Variants in TM4SF4 observed in about 807,000 individuals in gnomAD.
The protein encoded by TM4SF4 is transmembrane 4 L6 family member 4.
Under a neutral mutation model 24.1 loss-of-function variants are expected in TM4SF4, and 24 were observed. The ratio of observed to expected loss-of-function variants is 1.00; its 90% CI spans 0.72 to 1.40. TM4SF4 has a LOEUF of 1.40. Ranked by LOEUF, TM4SF4 falls within the 40% of genes most tolerant of loss-of-function variation. The pLI, the probability that TM4SF4 is intolerant of heterozygous loss-of-function variation, is 0.00. For missense variants in TM4SF4, 254 were observed against 254.2 expected, an observed-to-expected ratio of 1.00 and a Z score of 0.01; for synonymous variants, 113 against 97.0, an observed-to-expected ratio of 1.17 and a Z score of -0.97.
chr3:149,493,733 A>G (rs1319055921), intron 3 of TM4SF4, among the ~76,000 whole-genome samples: 2 of 152,224 alleles, frequency 1.3e-5, no homozygotes, highest in African/African-American at 4.8e-5. Flanking sequence ...GAGGACAAAC[A>G]AATGGACAGG....
Position 149,474,718 on chromosome 3 carries a change from C to T in TM4SF4, c.-160C>T. On this transcript the variant is annotated 5_prime_UTR_variant, in exon 1 of 5. Coordinates refer to ENST00000305354, the MANE Select transcript of TM4SF4 (RefSeq NM_004617.4). The stretch of plus-strand genomic sequence containing the variant: ...TGCTATTTTTGAGAAGCTGAAGCAA[C>T]TCCAAGGACACAGTTCACAGAAATT... The T allele has an allele frequency of 1.1e-5, 7 of 655,146 alleles. No individual in the cohort carries two copies. The highest frequency in any genetic ancestry group is 1.7e-5 in the Non-Finnish European group (7 of 402,640). The allele number at this position is 655,146 out of a possible 1,614,324, so 40.6% of individuals were successfully genotyped here.
chr3:149,496,695 G>C (rs1199231133), intron 3 of TM4SF4, among the ~76,000 whole-genome samples: 1 of 149,542 alleles, frequency 6.7e-6, no homozygotes, highest in Non-Finnish European at 1.5e-5. Flanking sequence ...TTGAACCCGG[G>C]AGGCACAGGT....
In TM4SF4 at chr3:149,490,097, G is replaced by A. The variant is rs573386075; in HGVS notation, c.401+2342G>A. ...TACTTATGTTTTAATTTAATCCCTT[G>A]TAAGATGTAAGACTGCTCTTTGTGC... On this transcript the variant is annotated intron_variant, in intron 3 of 4. Coordinates refer to ENST00000305354, the MANE Select transcript of TM4SF4 (RefSeq NM_004617.4). Among the ~76,000 whole-genome samples the A allele has an allele frequency of 7.9e-5, 12 of 152,290 alleles. No homozygotes were observed. In the East Asian group the frequency reaches 2.3e-3, roughly 29 times the overall value.
chr3:149,480,241 G>A (rs1406217463), intron 2 of TM4SF4, among the ~76,000 whole-genome samples: 1 of 152,130 alleles, frequency 6.6e-6, no homozygotes, highest in Non-Finnish European at 1.5e-5. Flanking sequence ...AGCATCTCTT[G>A]CCCTCTAATC....
rs1560035062 is a variant in TM4SF4, at chr3:149,502,800, A to G, written c.*107A>G. 2 of 837,742 alleles carry G rather than the reference A, an allele frequency of 2.4e-6. No homozygotes were observed. Among genetic ancestry groups the G allele is most frequent in the Non-Finnish European group, 3.9e-6 (2 of 507,186 alleles). The allele number at this position is 837,742 out of a possible 1,614,324, so 51.9% of individuals were successfully genotyped here. A position where few individuals can be genotyped will look rare whatever the true frequency, so the allele number is the denominator to read the frequency against. Reference sequence around the variant, plus strand: ...TTAATTCCTATCTGCTTCCTAGCTGATAAAGCTTAGAAAAGGCAGTTATTC... The same window carrying G: ...TTAATTCCTATCTGCTTCCTAGCTGGTAAAGCTTAGAAAAGGCAGTTATTC... On this transcript the variant is annotated 3_prime_UTR_variant, in exon 5 of 5. Transcript: ENST00000305354.
intron 2 of TM4SF4, among the ~76,000 whole-genome samples, chr3:149,479,915 G>A (rs1441741661): frequency 6.6e-6 from 1 of 152,184 alleles, no homozygotes; most frequent in Non-Finnish European, 1.5e-5. Context: ...AAACCAAGTA[G>A]GAGATAGGAG....
chr3:149,499,192 C>T (rs1734371196), intron 4 of TM4SF4, among the ~76,000 whole-genome samples: 1 of 152,138 alleles, frequency 6.6e-6, no homozygotes, highest in Non-Finnish European at 1.5e-5. Context: ...GTTCTAGAGA[C>T]AAAGGACTCT....
chr3:149,478,619 C>T (rs537276722), intron 2 of TM4SF4, among the ~76,000 whole-genome samples: 1 of 152,300 alleles, frequency 6.6e-6, no homozygotes, highest in East Asian at 1.9e-4. Flanking sequence ...ACTGACCATC[C>T]AAATCATGAG....
intron 4 of TM4SF4, among the ~76,000 whole-genome samples, chr3:149,499,122 T>C (rs66806920): frequency 0.086 from 13,036 of 152,210 alleles, 1,102 homozygotes; most frequent in East Asian, 0.43. Flanking sequence ...ACCCAGAGCA[T>C]GTTAAAACAC....
intron 2 of TM4SF4, among the ~76,000 whole-genome samples, chr3:149,483,675 C>T (rs1045338482): frequency 1.5e-4 from 23 of 152,160 alleles, no homozygotes; most frequent in African/African-American, 5.3e-4. Flanking sequence ...CCTTAGCCAA[C>T]AATAATATAT....
At chr3:149,487,557 T>C in intron 2 of TM4SF4, 62 bp from the exon 3 acceptor site, 1 of 1,599,532 alleles carries the variant, frequency 6.3e-7, no homozygotes, top group Non-Finnish European at 8.5e-7. Flanking sequence ...GTGGATTAGG[T>C]TTGTTGAGTG....
At chr3:149,487,535 G>A in intron 2 of TM4SF4, 84 bp from the exon 3 acceptor site, 1 of 1,537,444 alleles carries the variant, frequency 6.5e-7, no homozygotes, top group Non-Finnish European at 8.9e-7. Flanking sequence ...TAGTCACCAT[G>A]TTCAACAGCA....
Position 149,498,900 on chromosome 3 carries a change from G to C in TM4SF4, c.580G>C (p.Gly194Arg), listed in dbSNP as rs1446300595. The change falls in exon 4 of 5, where the codon GGC becomes CGC. Residue 194 changes from glycine (G) to arginine (R), a missense_variant. Coordinates refer to ENST00000305354, the MANE Select transcript of TM4SF4 (RefSeq NM_004617.4). ...CCTCTGTGGGGACTGCCAGTGTTGT[G>C]GCTGCTGTGGGGTAAGTTCAGGCTT... ...GTLCGDCQCC[G>R]CCGGDGPV The C allele has an allele frequency of 9.3e-6, 15 of 1,613,730 alleles. No individual in the cohort carries two copies. Among genetic ancestry groups the C allele is most frequent in the Non-Finnish European group, 1.3e-5 (15 of 1,179,806 alleles).
intron 2 of TM4SF4, among the ~76,000 whole-genome samples, chr3:149,482,750 G>T (rs1205662091): frequency 2.0e-5 from 3 of 152,010 alleles, no homozygotes; most frequent in Non-Finnish European, 4.4e-5. Flanking sequence ...CACCATTTTG[G>T]CCAGGCTGGT....
At chr3:149,490,643 C>T (rs749125025) in intron 3 of TM4SF4, among the ~76,000 whole-genome samples, 14 of 152,212 alleles carry the variant, frequency 9.2e-5, no homozygotes, top group Non-Finnish European at 1.5e-4. Context: ...TGGCAAAACT[C>T]ATGGGATTCT....
At chr3:149,479,169 T>C (rs536338865) in intron 2 of TM4SF4, among the ~76,000 whole-genome samples, 1 of 152,148 alleles carries the variant, frequency 6.6e-6, no homozygotes, top group African/African-American at 2.4e-5. Context: ...TAGCCTGCAT[T>C]TTGGCACAAC....
intron 2 of TM4SF4, among the ~76,000 whole-genome samples, chr3:149,479,646 G>A (rs1214142601): frequency 6.6e-6 from 1 of 152,202 alleles, no homozygotes; most frequent in Non-Finnish European, 1.5e-5. Context: ...CCAGGCCCCA[G>A]CTCCTTCGGG....
intron 2 of TM4SF4, among the ~76,000 whole-genome samples, chr3:149,486,275 T>C (rs1449148383): frequency 6.6e-6 from 1 of 152,198 alleles, no homozygotes; most frequent in African/African-American, 2.4e-5. Context: ...AGGTGGGCTC[T>C]ATCATGCCCA....
Position 149,498,902 on chromosome 3 carries a change from C to T in TM4SF4, c.582C>T (p.Gly194=), listed in dbSNP as rs1262376384. The change falls in exon 4 of 5, where the codon GGC becomes GGT. Residue 194 remains glycine (G), a synonymous_variant. Coordinates refer to ENST00000305354, the MANE Select transcript of TM4SF4 (RefSeq NM_004617.4). ...GTLCGDCQCC[G]CCGGDGPV is the part of the protein sequence containing the mutation. ...TCTGTGGGGACTGCCAGTGTTGTGG[C>T]TGCTGTGGGGTAAGTTCAGGCTTTT... 2.5e-6 allele frequency: 4 copies of T among 1,613,714 alleles called. No individual in the cohort carries two copies. The African/African-American group carries it at 5.3e-5, about 22-fold the overall frequency.
Sources: gnomAD v4.1 joint callset for allele counts (sites outside exome capture counted in the v4.1 genomes callset) on GRCh38, gnomAD v4.1.1 for gene constraint, MANE v1.5 for transcripts, NCBI Gene and HGNC (gene_info 2026-07-23, HGNC 2026-07-21) for gene names.